The following RAF1 variants were observed in gnomAD, a reference collection of about 807,000 sequenced individuals.
The protein encoded by RAF1 is Raf-1 proto-oncogene, serine/threonine kinase, also known as RAF proto-oncogene serine/threonine-protein kinase.
In RAF1, 27 loss-of-function variants were observed where a neutral mutation model predicts 81.1. That is an observed-to-expected ratio of 0.33 (90% CI 0.25 to 0.46). RAF1 has a LOEUF of 0.46. RAF1 is among the 20% of genes least tolerant of loss of function. The pLI, the probability that RAF1 is intolerant of heterozygous loss-of-function variation, is 1.00. For synonymous variants in RAF1, 298 were observed against 294.0 expected (o/e 1.01, Z -0.14); for missense variants, 598 against 826.0 (o/e 0.72, Z 3.38).
intron 1 of RAF1, among the ~76,000 whole-genome samples, chr3:12,630,272 A>G (rs2059823057): frequency 6.6e-6 from 1 of 152,138 alleles, no homozygotes; most frequent in South Asian, 2.1e-4. Context: ...CTGGCCTTTC[A>G]CCAAATTGCT....
rs139987057 is a variant in RAF1 at position 12,658,881 on chromosome 3, C to T, written c.-27+4932G>A. Among the ~76,000 whole-genome samples the T allele has an allele frequency of 3.4e-3, 514 of 152,206 alleles. 2 individuals are homozygous for T. Among genetic ancestry groups the T allele is most frequent in the African/African-American group, 0.011 (442 of 41,528 alleles). ...TTTGCCAAACTTTAGATAGTCTAGG[C>T]CAAAACCACTAACAAAGAAACAACA... On this transcript the variant is annotated intron_variant, in intron 1 of 17. Coordinates refer to ENST00000442415, the MANE Select transcript of RAF1 (RefSeq NM_001354689.3).
At chr3:12,653,610 T>G (rs921580337) in intron 1 of RAF1, among the ~76,000 whole-genome samples, 3 of 151,918 alleles carry the variant, frequency 2.0e-5, no homozygotes, top group African/African-American at 7.3e-5. Context: ...CCGGTTGTGG[T>G]AGCGAGTGCC....
At chr3:12,590,650 T>C in intron 13 of RAF1, 148 bp downstream of exon 12, 2 of 903,074 alleles carry the variant, frequency 2.2e-6, no homozygotes, top group Admixed American at 4.1e-5. Context: ...TCATTCCTGA[T>C]AATTGGCCCC....
intron 11 of RAF1, 72 bp downstream of exon 10, chr3:12,599,619 C>A (rs1038853838): frequency 8.7e-7 from 1 of 1,151,146 alleles, no homozygotes; most frequent in Non-Finnish European, 1.3e-6. Context: ...TCTCCTCCTC[C>A]TGGCCCCCTG....
intron 1 of RAF1, among the ~76,000 whole-genome samples, chr3:12,648,132 T>C (rs1208707186): frequency 1.3e-5 from 2 of 152,156 alleles, no homozygotes; most frequent in Non-Finnish European, 2.9e-5. Flanking sequence ...TTCAAATCAG[T>C]CATTGTTTTC....
intron 1 of RAF1, among the ~76,000 whole-genome samples, chr3:12,638,939 C>T (rs756877493): frequency 2.0e-5 from 3 of 152,118 alleles, no homozygotes; most frequent in Non-Finnish European, 2.9e-5. Flanking sequence ...TGTACAGGAA[C>T]ATGATGGATT....
At chr3:12,642,317 C>CA (rs1034820271) in intron 1 of RAF1, among the ~76,000 whole-genome samples, 7 of 145,170 alleles carry the variant, frequency 4.8e-5, no homozygotes, top group African/African-American at 7.5e-5. Flanking sequence ...CCCCAAAAAA[C>CA]AAAAAAACAA....
At chr3:12,653,514 G>A (rs1170622985) in intron 1 of RAF1, among the ~76,000 whole-genome samples, 1 of 152,100 alleles carries the variant, frequency 6.6e-6, no homozygotes, top group Non-Finnish European at 1.5e-5. Flanking sequence ...GGGAGGCCGA[G>A]CTGGTGGATT....
At chr3:12,589,931 C>T (rs1361655035) in intron 13 of RAF1, 4 of 151,422 alleles carry the variant, frequency 2.6e-5, no homozygotes, top group Non-Finnish European at 5.9e-5. Context: ...GCTGGGATTA[C>T]AAGCGCCTGC....
At chr3:12,646,653 T>A (rs573600866) in intron 1 of RAF1, among the ~76,000 whole-genome samples, 1 of 151,410 alleles carries the variant, frequency 6.6e-6, no homozygotes, top group Admixed American at 6.6e-5. Context: ...CGGGTTCACA[T>A]GATTCTCCTG....
chr3:12,642,305 A>C (rs2060212118), intron 1 of RAF1, among the ~76,000 whole-genome samples: 1 of 145,210 alleles, frequency 6.9e-6, no homozygotes. Flanking sequence ...AAAAAAAAAA[A>C]ACCCCAAAAA....
At chr3:12,630,223 A>G (rs1462275297) in intron 1 of RAF1, among the ~76,000 whole-genome samples, 1 of 152,142 alleles carries the variant, frequency 6.6e-6, no homozygotes, top group Admixed American at 6.6e-5. Flanking sequence ...AATAACTATC[A>G]GTTCAAAATC....
intron 1 of RAF1, among the ~76,000 whole-genome samples, chr3:12,624,492 A>C (rs1196135037): frequency 6.6e-6 from 1 of 152,170 alleles, no homozygotes; most frequent in East Asian, 1.9e-4. Flanking sequence ...TTAATACTGT[A>C]ATTTCTCTGA....
Position 12,585,823 on chromosome 3 carries a change from G to T in RAF1, c.1478-24C>A, listed in dbSNP as rs2058316692. On this transcript the variant is annotated intron_variant, in intron 14 of 17. Coordinates refer to ENST00000442415, the MANE Select transcript of RAF1 (RefSeq NM_001354689.3). ...ATCTCAATGCTTGTTAAGGACTCTG[G>T]TTTCAAAAGAATGGTCAGGTTAATT... 2.0e-6 allele frequency: 3 copies of T among 1,533,780 alleles called. No homozygotes were observed. In the African/African-American group the frequency reaches 4.1e-5, roughly 21 times the overall value.
rs373980711 is a variant in RAF1, at chr3:12,600,137, G to A, written c.1050+15C>T. On this transcript the variant is annotated intron_variant, in intron 10 of 17. Transcript: ENST00000442415. ...TGAACCCTAATTGGCAGGAGGTACTGTTGTCTATACTCACAATTTTGTTTT... is the reference window on the plus strand; with the variant it reads ...TGAACCCTAATTGGCAGGAGGTACTATTGTCTATACTCACAATTTTGTTTT... 6.2e-6 allele frequency: 10 copies of A among 1,613,858 alleles called. No homozygotes were observed. In the African/African-American group the frequency reaches 1.2e-4, roughly 19 times the overall value.
At chr3:12,631,827 TAGA>T (rs1025317206) in intron 1 of RAF1, among the ~76,000 whole-genome samples, 2 of 152,148 alleles carry the variant, frequency 1.3e-5, no homozygotes, top group Non-Finnish European at 2.9e-5. Context: ...AATTCACATG[TAGA>T]AGTTTTCCTG....
chr3:12,643,756 TAAA>T (rs2125540703), intron 1 of RAF1, among the ~76,000 whole-genome samples: 1 of 151,404 alleles, frequency 6.6e-6, no homozygotes, highest in South Asian at 2.1e-4. Context: ...AAAATAAAAA[TAAA>T]AACAAAAAAG....
At chr3:12,658,497 G>C (rs947384464) in intron 1 of RAF1, among the ~76,000 whole-genome samples, 2 of 152,138 alleles carry the variant, frequency 1.3e-5, no homozygotes, top group Non-Finnish European at 2.9e-5. Context: ...AGCTACTCAG[G>C]AGGCTGAGGC....
At chr3:12,609,201 C>A (rs2125419493) in intron 4 of RAF1, 32 bp downstream of exon 4, 6 of 1,505,910 alleles carry the variant, frequency 4.0e-6, no homozygotes, top group Non-Finnish European at 5.5e-6. Context: ...AAGCCCTCAA[C>A]ATGCCAGAAA....
Sources: allele counts gnomAD v4.1 joint callset (sites outside exome capture counted in the v4.1 genomes callset), GRCh38; gene constraint gnomAD v4.1.1; transcripts MANE v1.5; gene names NCBI Gene and HGNC (gene_info 2026-07-23, HGNC 2026-07-21).